The following CABCOCO1 variants were observed in gnomAD, a reference collection of about 807,000 sequenced individuals.
CABCOCO1 encodes the protein ciliary-associated calcium-binding coiled-coil protein 1.
A neutral mutation model predicts 35.7 loss-of-function variants in CABCOCO1; 28 were observed. The observed-to-expected ratio is 0.78, with a 90% CI of 0.58 to 1.07. CABCOCO1 has a LOEUF of 1.07. Among genes scored for constraint, CABCOCO1 ranks in the 50% least tolerant of loss-of-function variants. CABCOCO1 has a pLI of 0.00. For missense variants in CABCOCO1, 326 were observed against 309.2 expected, an observed-to-expected ratio of 1.05 and a Z score of -0.41; for synonymous variants, 95 against 100.1, an observed-to-expected ratio of 0.95 and a Z score of 0.30.
At chr10:61,716,899 CT>C (rs142018349) in intron 5 of CABCOCO1, among the ~76,000 whole-genome samples, 60,862 of 151,668 alleles carry the variant, frequency 0.4, 14,276 homozygotes, top group Middle Eastern at 0.54. Flanking sequence ...TTGTGACTTT[CT>C]TCTGTATACT....
rs184548863 is a variant in CABCOCO1 at position 61,693,319 on chromosome 10, G to A, written c.552+2698G>A. Among the ~76,000 whole-genome samples, 202 of 152,226 alleles carry A rather than the reference G, an allele frequency of 1.3e-3. 1 individual carries two copies. The highest frequency in any genetic ancestry group is 4.6e-3 in the African/African-American group (191 of 41,558). On this transcript the variant is annotated intron_variant, in intron 5 of 7. Coordinates refer to ENST00000648843, the MANE Select transcript of CABCOCO1 (RefSeq NM_001366906.2). ...TAAATTAACAACCTTTCATGGAGGA[G>A]GTAGGGGCCTGCCCCAGCAATATGA...
At chr10:61,679,762 C>T (rs1490947325) in intron 2 of CABCOCO1, among the ~76,000 whole-genome samples, 1 of 152,164 alleles carries the variant, frequency 6.6e-6, no homozygotes, top group Non-Finnish European at 1.5e-5. Context: ...AAATCAAACA[C>T]ATCAGAAAGA....
At chr10:61,746,615 A>G (rs191860795) in intron 5 of CABCOCO1, among the ~76,000 whole-genome samples, 5 of 152,256 alleles carry the variant, frequency 3.3e-5, no homozygotes, top group Admixed American at 2.0e-4. Context: ...GACAATCAGT[A>G]ATTTCCATCT....
intron 5 of CABCOCO1, among the ~76,000 whole-genome samples, chr10:61,754,389 T>C (rs1390836135): frequency 3.3e-5 from 5 of 152,130 alleles, no homozygotes; most frequent in African/African-American, 7.2e-5. Flanking sequence ...TCTTTTCCTT[T>C]TAAATTGCAT....
chr10:61,693,981 A>G (rs944781326), intron 5 of CABCOCO1, among the ~76,000 whole-genome samples: 1 of 152,050 alleles, frequency 6.6e-6, no homozygotes, highest in Admixed American at 6.6e-5. Flanking sequence ...ACCAAACCAC[A>G]AACACAAAAC....
chr10:61,691,658 AACAGGCCCC>A (rs1840146611), intron 5 of CABCOCO1, among the ~76,000 whole-genome samples: 1 of 149,866 alleles, frequency 6.7e-6, no homozygotes, highest in Non-Finnish European at 1.5e-5. Flanking sequence ...CCCACTCCCC[AACAGGCCCC>A]AGTGTGTGAT....
intron 2 of CABCOCO1, among the ~76,000 whole-genome samples, chr10:61,680,645 A>T (rs1235931829): frequency 1.2e-5 from 1 of 80,430 alleles, no homozygotes; most frequent in Non-Finnish European, 2.6e-5. Context: ...TACATATATA[A>T]TATATATTAT....
rs1323605510 is a variant in CABCOCO1 at position 61,681,289 on chromosome 10, C to A, written c.311C>A (p.Ala104Asp). 6.4e-7 allele frequency: 1 copy of A among 1,557,180 alleles called. No individual in the cohort carries two copies. The highest frequency in any genetic ancestry group is 8.8e-7 in the Non-Finnish European group (1 of 1,141,154). ...IQYSKFMTLL[A>D]MSLQNLKTLH... ...TATTCAAAATTTATGACTTTACTAG[C>A]TATGTCACTTCAAAATCTTAAAAGT... The change falls in exon 3 of 8, where the codon GCT becomes GAT. Residue 104 changes from alanine (A) to aspartate (D), a missense_variant. By Grantham distance (126) the Ala-to-Asp change is moderately radical. Coordinates refer to ENST00000648843, the MANE Select transcript of CABCOCO1 (RefSeq NM_001366906.2).
intron 7 of CABCOCO1, among the ~76,000 whole-genome samples, chr10:61,763,084 T>C (rs1842039420): frequency 6.6e-6 from 1 of 152,102 alleles, no homozygotes; most frequent in Non-Finnish European, 1.5e-5. Context: ...CGACCTGCTG[T>C]AGGAATATTT....
chr10:61,760,340 T>A (rs1243200162), intron 6 of CABCOCO1, among the ~76,000 whole-genome samples, 159 bp downstream of exon 6: 1 of 152,072 alleles, frequency 6.6e-6, no homozygotes, highest in Non-Finnish European at 1.5e-5. Context: ...ATGAGTCCGC[T>A]GATGGTAGTT....
chr10:61,676,613 T>G (rs982502937), intron 2 of CABCOCO1, among the ~76,000 whole-genome samples: 8 of 152,138 alleles, frequency 5.3e-5, no homozygotes, highest in South Asian at 2.1e-4. Context: ...AAGAAATGGC[T>G]CATAACAAAA....
intron 7 of CABCOCO1, among the ~76,000 whole-genome samples, chr10:61,762,131 G>T (rs1262033805): frequency 6.6e-6 from 1 of 152,060 alleles, no homozygotes; most frequent in African/African-American, 2.4e-5. Context: ...TCTAAATATA[G>T]TTTATGTATA....
At chr10:61,688,387 AT>A (rs1840029187) in intron 4 of CABCOCO1, among the ~76,000 whole-genome samples, 2 of 152,280 alleles carry the variant, frequency 1.3e-5, no homozygotes, top group South Asian at 4.2e-4. Context: ...TAAAATGGAA[AT>A]TTCATTTGAT....
In CABCOCO1 at chr10:61,745,609, G is replaced by C. The variant is rs77624641; in HGVS notation, c.553-14450G>C. ...CACCTTCAGACTGTAACTCTTTTGA[G>C]GCAGAAATCCTGCCTATGCCATGTT... On this transcript the variant is annotated intron_variant, in intron 5 of 7. Coordinates refer to ENST00000648843, the MANE Select transcript of CABCOCO1 (RefSeq NM_001366906.2). Among the ~76,000 whole-genome samples the C allele has an allele frequency of 1.4e-3, 212 of 152,216 alleles. 1 individual carries two copies. Among genetic ancestry groups the C allele is most frequent in the African/African-American group, 4.9e-3 (204 of 41,532 alleles).
At chr10:61,739,899 A>G (rs1040850165) in intron 5 of CABCOCO1, among the ~76,000 whole-genome samples, 1 of 152,148 alleles carries the variant, frequency 6.6e-6, no homozygotes, top group African/African-American at 2.4e-5. Context: ...CAGAGATCGC[A>G]CCACTGCGCT....
chr10:61,752,701 C>T (rs1209456784), intron 5 of CABCOCO1, among the ~76,000 whole-genome samples: 1 of 152,168 alleles, frequency 6.6e-6, no homozygotes, highest in Admixed American at 6.5e-5. Flanking sequence ...TTAAAATAGA[C>T]ATCTTGGCTC....
At chr10:61,703,227 GACAC>G (rs35152499) in intron 5 of CABCOCO1, among the ~76,000 whole-genome samples, 3,295 of 141,424 alleles carry the variant, frequency 0.023, 47 homozygotes, top group African/African-American at 0.035. Context: ...CTTGTGAGGA[GACAC>G]ACACACACAC....
intron 2 of CABCOCO1, among the ~76,000 whole-genome samples, chr10:61,680,915 T>C (rs1839771938): frequency 6.6e-6 from 1 of 150,498 alleles, no homozygotes; most frequent in African/African-American, 2.4e-5. Flanking sequence ...AAACAGAAAA[T>C]AAAGAGGAAG....
chr10:61,710,189 C>A (rs770213816), intron 5 of CABCOCO1, among the ~76,000 whole-genome samples: 3 of 151,562 alleles, frequency 2.0e-5, no homozygotes, highest in Non-Finnish European at 2.9e-5. Flanking sequence ...GCCACAGATT[C>A]TCATTTCCAC....
Sources: gnomAD v4.1 joint callset for allele counts (sites outside exome capture counted in the v4.1 genomes callset) on GRCh38, gnomAD v4.1.1 for gene constraint, MANE v1.5 for transcripts, NCBI Gene and HGNC (gene_info 2026-07-23, HGNC 2026-07-21) for gene names.